Variants in PARVB observed in about 807,000 individuals in gnomAD.
The protein encoded by PARVB is parvin beta.
In PARVB, 46 loss-of-function variants were observed where a neutral mutation model predicts 47.0. The observed-to-expected ratio is 0.98, with a 90% CI of 0.77 to 1.25. The LOEUF (loss-of-function observed/expected upper bound fraction) is 1.25. PARVB is among the 50% of genes most tolerant of loss of function. PARVB has a pLI of 0.00. For missense variants in PARVB, 473 were observed against 471.6 expected (o/e 1.00, Z -0.03); for synonymous variants, 196 against 196.3 (o/e 1.00, Z 0.01).
chr22:44,120,132 G>C (rs1044029518), intron 4 of PARVB, among the ~76,000 whole-genome samples: 12 of 152,334 alleles, frequency 7.9e-5, no homozygotes, highest in Admixed American at 7.8e-4. Context: ...CTTGAGCCCG[G>C]CCGCGGGGCC....
At chr22:44,019,908 C>T (rs565478481), upstream of PARVB, among the ~76,000 whole-genome samples, 2 of 152,294 alleles carry the variant, frequency 1.3e-5, no homozygotes, top group Non-Finnish European at 2.9e-5. Context: ...ATCCTAATCC[C>T]CAGTACTGTG....
At chr22:44,097,391 G>A (rs1601595819) in intron 2 of PARVB, among the ~76,000 whole-genome samples, 1 of 152,126 alleles carries the variant, frequency 6.6e-6, no homozygotes, top group Admixed American at 6.5e-5. Context: ...TAGGCCGCGT[G>A]AGCAGCCCGT....
At chr22:44,135,100 G>T (rs1356691042) in intron 6 of PARVB, among the ~76,000 whole-genome samples, 1 of 152,196 alleles carries the variant, frequency 6.6e-6, no homozygotes, top group Non-Finnish European at 1.5e-5. Flanking sequence ...CCAGATCTTG[G>T]TGGTGTCCAC....
At chr22:44,020,667 G>A (rs553234118), upstream of PARVB, among the ~76,000 whole-genome samples, 43 of 152,306 alleles carry the variant, frequency 2.8e-4, no homozygotes, top group African/African-American at 9.9e-4. Context: ...ACCAGAGGAA[G>A]AGACTGGTAG....
At chr22:44,043,489 C>T (rs1257668602) in intron 1 of PARVB, among the ~76,000 whole-genome samples, 1 of 152,116 alleles carries the variant, frequency 6.6e-6, no homozygotes, top group East Asian at 1.9e-4. Flanking sequence ...CGCCATTCTC[C>T]TCCTTGGCCA....
intron 2 of PARVB, among the ~76,000 whole-genome samples, chr22:44,007,093 C>T (rs116981431): frequency 2.4e-3 from 366 of 152,364 alleles, no homozygotes; most frequent in Non-Finnish European, 3.9e-3. Context: ...CTGTCAGTGG[C>T]CACTACCTTC....
At chr22:44,066,236 G>A (rs1165517073) in intron 1 of PARVB, among the ~76,000 whole-genome samples, 2 of 152,168 alleles carry the variant, frequency 1.3e-5, no homozygotes, top group African/African-American at 4.8e-5. Flanking sequence ...TGTTTTTAGT[G>A]ATGGCCAGTG....
Position 44,140,138 on chromosome 22 carries a change from G to T in PARVB, c.707G>T (p.Arg236Leu), listed in dbSNP as rs201782671. 6.3e-7 allele frequency: 1 copy of T among 1,590,102 alleles called. No homozygotes were observed. Among genetic ancestry groups the T allele is most frequent in the South Asian group, 1.1e-5 (1 of 90,218 alleles). ...LTTTTEMMMG[R>L]FERDAFDTLF... The stretch of plus-strand genomic sequence containing the variant: ...CTTGTTTGCAGGATGATGATGGGCC[G>T]GTTCGGTAAGTAACCCCAGGGAAAG... Residue 236 changes from arginine to leucine, a missense_variant, in exon 8 of 13, where the codon CGG becomes CTG. Physicochemically the swap from Arg to Leu is moderately radical, Grantham distance 102. Transcript: ENST00000338758.
Position 44,157,974 on chromosome 22 carries a change from C to A in PARVB, c.844-8C>A, listed in dbSNP as rs768284481. 5 of 1,601,404 alleles carry A rather than the reference C, an allele frequency of 3.1e-6. No homozygotes were observed. Among genetic ancestry groups the A allele is most frequent in the Non-Finnish European group, 4.3e-6 (5 of 1,168,588 alleles). On this transcript the variant is annotated splice_polypyrimidine_tract_variant and splice_region_variant and intron_variant, in intron 10 of 12. Coordinates refer to ENST00000338758, the MANE Select transcript of PARVB (RefSeq NM_013327.5). ...CTGCCCGGAAACATCACAAGTCTTT[C>A]TCTGCAGTTTGCAGATGGCGTGTAC... is the stretch of plus-strand genomic sequence containing the variant.
intron 1 of PARVB, among the ~76,000 whole-genome samples, chr22:44,090,592 C>T (rs549239136): frequency 6.3e-4 from 96 of 152,370 alleles, no homozygotes; most frequent in African/African-American, 2.3e-3. Flanking sequence ...GAAGCGTTGA[C>T]CACTTGCCCC....
intron 1 of PARVB, among the ~76,000 whole-genome samples, chr22:44,025,262 G>A (rs1223510484): frequency 6.6e-6 from 1 of 152,018 alleles, no homozygotes. Context: ...TCCCATAGCG[G>A]GTATGCAGTA....
chr22:44,109,779 G>C (rs1469237008), intron 3 of PARVB: 1 of 151,472 alleles, frequency 6.6e-6, no homozygotes, highest in Non-Finnish European at 1.5e-5. Context: ...GTTGTATCTT[G>C]TGTGTTTCCT....
At chr22:44,107,561 G>C (rs1241848546) in intron 3 of PARVB, 1 of 152,148 alleles carries the variant, frequency 6.6e-6, no homozygotes, top group Non-Finnish European at 1.5e-5. Flanking sequence ...TCAGGGTGGG[G>C]GCTGGCCCCA....
At chr22:44,080,488 C>T (rs778587695) in intron 1 of PARVB, among the ~76,000 whole-genome samples, 4 of 152,216 alleles carry the variant, frequency 2.6e-5, no homozygotes, top group African/African-American at 4.8e-5. Flanking sequence ...CGCCACACCT[C>T]CTCTGGCTCT....
intron 8 of PARVB, chr22:44,147,392 G>A (rs1205599118): frequency 6.0e-6 from 2 of 333,112 alleles, no homozygotes; most frequent in East Asian, 7.6e-5. Flanking sequence ...CAGGAGTGGA[G>A]TAGGAGGCTG....
At chr22:44,062,046 C>T (rs913692890) in intron 1 of PARVB, among the ~76,000 whole-genome samples, 3 of 152,238 alleles carry the variant, frequency 2.0e-5, no homozygotes, top group African/African-American at 7.2e-5. Context: ...ATTGACTGTA[C>T]TTTGACAATT....
chr22:44,163,964 G>A, intron 12 of PARVB, 34 bp downstream of exon 12: 1 of 1,543,588 alleles, frequency 6.5e-7, no homozygotes, highest in Non-Finnish European at 8.9e-7. Flanking sequence ...CCCGGGAGAG[G>A]TGCGCACGGA....
intron 1 of PARVB, among the ~76,000 whole-genome samples, chr22:44,045,272 C>A (rs1005272): frequency 0.75 from 113,517 of 150,636 alleles, 43,275 homozygotes; most frequent in East Asian, 0.92. Flanking sequence ...TAAATAAATA[C>A]ATACATACAT....
chr22:44,158,669 G>A (rs1480003132), intron 11 of PARVB, among the ~76,000 whole-genome samples: 1 of 152,062 alleles, frequency 6.6e-6, no homozygotes, highest in Non-Finnish European at 1.5e-5. Flanking sequence ...GCTGGCCCAC[G>A]CCACCCGGTC....
Sources: allele counts gnomAD v4.1 joint callset (sites outside exome capture counted in the v4.1 genomes callset), GRCh38; gene constraint gnomAD v4.1.1; transcripts MANE v1.5; gene names NCBI Gene and HGNC (gene_info 2026-07-23, HGNC 2026-07-21).